Variants in SLC22A23 observed in about 807,000 individuals in gnomAD.
SLC22A23 encodes the protein solute carrier family 22 member 23.
SLC22A23 carries 26 observed loss-of-function variants against 61.0 expected under a neutral mutation model. The observed-to-expected ratio is 0.43, with a 90% CI of 0.31 to 0.59. SLC22A23 has a LOEUF of 0.59. Ranked by LOEUF, SLC22A23 falls within the 20% of genes least tolerant of loss-of-function variation. The probability of loss-of-function intolerance (pLI) is 0.11; values close to 1 mark genes in which losing one functional copy is unlikely to be tolerated. For missense variants in SLC22A23, 796 were observed against 934.7 expected (o/e 0.85, Z 1.94); for synonymous variants, 430 against 413.9 (o/e 1.04, Z -0.47).
intron 4 of SLC22A23, among the ~76,000 whole-genome samples, chr6:3,314,288 G>A (rs1484184376): frequency 2.0e-5 from 3 of 152,190 alleles, no homozygotes; most frequent in South Asian, 2.1e-4. Flanking sequence ...CCGCTTGCCC[G>A]GCATTCCAGG....
chr6:3,291,351 G>C (rs570822654), intron 5 of SLC22A23: 2 of 152,294 alleles, frequency 1.3e-5, no homozygotes, highest in African/African-American at 4.8e-5. Flanking sequence ...AAGAAAAAAT[G>C]TGTTGCTAAA....
intron 3 of SLC22A23, among the ~76,000 whole-genome samples, chr6:3,398,140 T>G (rs1390621659): frequency 2.6e-5 from 4 of 152,208 alleles, no homozygotes; most frequent in Non-Finnish European, 4.4e-5. Flanking sequence ...TTCGACATAT[T>G]AAACTGATGC....
At chr6:3,389,065 C>T (rs183776446) in intron 3 of SLC22A23, among the ~76,000 whole-genome samples, 22 of 151,724 alleles carry the variant, frequency 1.5e-4, no homozygotes, top group Middle Eastern at 3.2e-3. Flanking sequence ...GTCAGGAGCT[C>T]GAGACCAGCC....
chr6:3,358,797 C>G (rs1765267068), intron 3 of SLC22A23, among the ~76,000 whole-genome samples: 1 of 151,972 alleles, frequency 6.6e-6, no homozygotes, highest in African/African-American at 2.4e-5. Flanking sequence ...TTCATCAACC[C>G]AAGGAAAACA....
chr6:3,419,612 C>T (rs1017397151), intron 1 of SLC22A23, among the ~76,000 whole-genome samples: 2 of 152,146 alleles, frequency 1.3e-5, no homozygotes, highest in African/African-American at 2.4e-5. Context: ...CTGGAGGTGG[C>T]TAAGGAGGTG....
intron 3 of SLC22A23, among the ~76,000 whole-genome samples, chr6:3,392,054 C>T (rs1454782933): frequency 1.3e-5 from 2 of 152,112 alleles, no homozygotes; most frequent in African/African-American, 2.4e-5. Flanking sequence ...GCAAAGACCA[C>T]CAGTCATCCT....
rs531219733 is a variant in SLC22A23, at chr6:3,446,656, G to A, written c.654+9250C>T. The stretch of plus-strand genomic sequence containing the variant: ...CACTATTCATCCCCAGAACCCCTGC[G>A]CAGGCCAGCATGTCTGCTTCCCAAA... On this transcript the variant is annotated intron_variant, in intron 1 of 9. Transcript: ENST00000406686. Among the ~76,000 whole-genome samples, 25 of 152,260 alleles carry A rather than the reference G, an allele frequency of 1.6e-4. No individual in the cohort carries two copies. In the East Asian group the frequency reaches 2.3e-3, roughly 14 times the overall value.
chr6:3,411,353 T>C (rs1199990383), intron 2 of SLC22A23, among the ~76,000 whole-genome samples: 1 of 152,090 alleles, frequency 6.6e-6, no homozygotes, highest in Non-Finnish European at 1.5e-5. Context: ...CCACAAAGGG[T>C]AGCTGAGGGG....
chr6:3,345,363 C>CTTTTTTTT (rs1163840651), intron 3 of SLC22A23, among the ~76,000 whole-genome samples: 11 of 124,760 alleles, frequency 8.8e-5, no homozygotes, highest in Non-Finnish European at 1.5e-4. Flanking sequence ...TATCTCTTTT[C>CTTTTTTTT]TTTTTTTTTT....
chr6:3,361,647 C>A lies in SLC22A23; in HGVS notation c.914-37645G>T, dbSNP rs544940237. 4.6e-5 allele frequency among the ~76,000 whole-genome samples: 7 copies of A among 152,356 alleles called. 1 individual carries two copies. Among genetic ancestry groups the A allele is most frequent in the African/African-American group, 1.7e-4 (7 of 41,580 alleles). On this transcript the variant is annotated intron_variant, in intron 3 of 9. Transcript: ENST00000406686. ...CTCTGCATCAGCAACACCTCACTCT[C>A]AGTTGAATTCAGACTCGAAAGCCCA...
At chr6:3,283,193 A>T (rs1431453225) in intron 9 of SLC22A23, among the ~76,000 whole-genome samples, 1 of 151,914 alleles carries the variant, frequency 6.6e-6, no homozygotes, top group African/African-American at 2.4e-5. Context: ...GCACTTTGGG[A>T]GGCCAAGGTG....
At chr6:3,285,978 G>A (rs902415645) in intron 7 of SLC22A23, among the ~76,000 whole-genome samples, 11 of 152,266 alleles carry the variant, frequency 7.2e-5, no homozygotes, top group South Asian at 2.1e-4. Flanking sequence ...TTCACGTCGC[G>A]CCCTGGGCTG....
At chr6:3,380,909 T>C (rs79234182) in intron 3 of SLC22A23, among the ~76,000 whole-genome samples, 2,031 of 152,244 alleles carry the variant, frequency 0.013, 47 homozygotes, top group African/African-American at 0.041. Flanking sequence ...GCAGGTCTCT[T>C]ACAGGTAACT....
chr6:3,416,187 C>T (rs1350514831), intron 1 of SLC22A23, among the ~76,000 whole-genome samples: 5 of 152,238 alleles, frequency 3.3e-5, no homozygotes, highest in Non-Finnish European at 7.3e-5. Context: ...ACCAGGCATC[C>T]CTGAGGACCA....
At chr6:3,306,256 G>A (rs987488620) in intron 4 of SLC22A23, among the ~76,000 whole-genome samples, 11 of 152,114 alleles carry the variant, frequency 7.2e-5, no homozygotes, top group East Asian at 1.9e-4. Flanking sequence ...GTCCACCCCC[G>A]TGACCCAAAC....
Position 3,309,402 on chromosome 6 carries a change from G to C in SLC22A23, c.1083-11184C>G, listed in dbSNP as rs1762214558. On this transcript the variant is annotated intron_variant, in intron 4 of 9. Transcript: ENST00000406686. The surrounding 1 kb of genome is among the most constrained non-coding windows in gnomAD (Gnocchi z 4.7). ...ACTCAGTCCACTCACTGAAAACACA[G>C]ACTTGCTTCACAGAGGCGCGCCCAG... Among the ~76,000 whole-genome samples, 1 of 152,202 alleles carries C rather than the reference G, an allele frequency of 6.6e-6. No individual in the cohort carries two copies. Among genetic ancestry groups the C allele is most frequent in the African/African-American group, 2.4e-5 (1 of 41,456 alleles).
chr6:3,366,255 C>T (rs1368737750), intron 3 of SLC22A23, among the ~76,000 whole-genome samples: 2 of 140,792 alleles, frequency 1.4e-5, no homozygotes, highest in Non-Finnish European at 3.0e-5. Context: ...ATTGCTTGAA[C>T]CCGGGAGGTG....
chr6:3,290,242 G>A (rs1760456171), intron 5 of SLC22A23: 1 of 322,608 alleles, frequency 3.1e-6, no homozygotes, highest in South Asian at 2.7e-5. Context: ...CACTCATTAG[G>A]CCCTGGGCAA....
intron 5 of SLC22A23, chr6:3,291,477 C>T (rs1166451807): frequency 6.6e-6 from 1 of 152,222 alleles, no homozygotes; most frequent in Non-Finnish European, 1.5e-5. Flanking sequence ...TCTGAGGGAG[C>T]TCATGTCTAC....
Sources: allele counts gnomAD v4.1 joint callset (sites outside exome capture counted in the v4.1 genomes callset), GRCh38; gene constraint gnomAD v4.1.1; non-coding constraint Gnocchi (gnomAD v3.1); transcripts MANE v1.5; gene names NCBI Gene and HGNC (gene_info 2026-07-23, HGNC 2026-07-21).